RYR3: variants seen among roughly 807,000 people sequenced by gnomAD.
The protein encoded by RYR3 is ryanodine receptor 3.
Under a neutral mutation model 584.3 loss-of-function variants are expected in RYR3, and 207 were observed. The ratio of observed to expected loss-of-function variants is 0.35; its 90% CI spans 0.32 to 0.40. The LOEUF (loss-of-function observed/expected upper bound fraction) is 0.40. RYR3 is among the 10% of genes least tolerant of loss of function. The pLI is 1.00. For missense variants in RYR3, 5,616 were observed against 6,089.2 expected (o/e 0.92, Z 2.59); for synonymous variants, 2,416 against 2,248.5 (o/e 1.07, Z -2.11).
intron 51 of RYR3, among the ~76,000 whole-genome samples, chr15:33,741,177 A>C (rs2070055610): frequency 6.6e-6 from 1 of 152,206 alleles, no homozygotes; most frequent in African/African-American, 2.4e-5. Flanking sequence ...TAGTTCCTTG[A>C]GGAATGTGAG....
intron 3 of RYR3, among the ~76,000 whole-genome samples, chr15:33,530,067 T>C (rs913174419): frequency 1.3e-5 from 2 of 152,116 alleles, no homozygotes; most frequent in African/African-American, 4.8e-5. Context: ...TTTAAAGTCC[T>C]GGATTTCAGA....
At chr15:33,472,389 ACT>A (rs1392051690) in intron 1 of RYR3, among the ~76,000 whole-genome samples, 2 of 152,104 alleles carry the variant, frequency 1.3e-5, no homozygotes, top group African/African-American at 4.8e-5. Context: ...CCTTTCCAAC[ACT>A]CTGGTGACAC....
chr15:33,624,293 A>G (rs558458104), intron 20 of RYR3, among the ~76,000 whole-genome samples: 1 of 152,348 alleles, frequency 6.6e-6, no homozygotes, highest in African/African-American at 2.4e-5. Flanking sequence ...ATTCTCAACC[A>G]AGTTAAAGAT....
intron 1 of RYR3, among the ~76,000 whole-genome samples, chr15:33,461,656 A>C (rs980800345): frequency 6.6e-6 from 1 of 152,216 alleles, no homozygotes; most frequent in Non-Finnish European, 1.5e-5. Flanking sequence ...TAAGAGTTGC[A>C]ACATAAAGGG....
intron 74 of RYR3, among the ~76,000 whole-genome samples, chr15:33,816,133 T>C (rs116122870): frequency 1.1e-3 from 170 of 152,336 alleles, no homozygotes; most frequent in African/African-American, 4.0e-3. Context: ...TTGACTTTTA[T>C]CTTCCTCCCC....
intron 43 of RYR3, 56 bp downstream of exon 43, chr15:33,707,110 C>T: frequency 6.3e-7 from 1 of 1,585,986 alleles, no homozygotes; most frequent in East Asian, 2.3e-5. Flanking sequence ...ATCGTGGATA[C>T]CTACAAGGAA....
intron 8 of RYR3, among the ~76,000 whole-genome samples, 174 bp from the exon 9 acceptor site, chr15:33,547,956 T>TGA (rs376196694): frequency 6.6e-5 from 10 of 152,256 alleles, no homozygotes; most frequent in Non-Finnish European, 7.4e-5. Flanking sequence ...TGACCCTTTC[T>TGA]GAGAGAGAGA....
intron 1 of RYR3, among the ~76,000 whole-genome samples, chr15:33,456,565 G>C (rs1042991496): frequency 6.6e-6 from 1 of 152,084 alleles, no homozygotes; most frequent in Non-Finnish European, 1.5e-5. Flanking sequence ...AGTGGCTCCC[G>C]AGGTGCTTCA....
chr15:33,645,044 A>T (rs953391319), intron 28 of RYR3, among the ~76,000 whole-genome samples: 4 of 152,100 alleles, frequency 2.6e-5, no homozygotes, highest in African/African-American at 2.4e-5. Context: ...AAAAAAATTT[A>T]AAAGTTCCAT....
intron 3 of RYR3, among the ~76,000 whole-genome samples, chr15:33,505,305 C>T (rs973148671): frequency 7.2e-5 from 11 of 152,294 alleles, no homozygotes; most frequent in African/African-American, 2.4e-4. Flanking sequence ...TTTTTTCACT[C>T]TTTTGATTTA....
chr15:33,351,953 A>G (rs770553557), intron 1 of RYR3, among the ~76,000 whole-genome samples: 13 of 152,078 alleles, frequency 8.5e-5, no homozygotes, highest in African/African-American at 3.1e-4. Flanking sequence ...TCAATTAGGA[A>G]AAAGAAGTCA....
intron 1 of RYR3, among the ~76,000 whole-genome samples, chr15:33,354,862 C>T (rs950763195): frequency 1.3e-5 from 2 of 152,134 alleles, no homozygotes; most frequent in African/African-American, 4.8e-5. Context: ...CAGCATTCAT[C>T]ATGAATTATT....
intron 24 of RYR3, 115 bp downstream of exon 24, chr15:33,633,223 C>T: frequency 2.1e-6 from 2 of 956,928 alleles, no homozygotes; most frequent in Non-Finnish European, 3.1e-6. Context: ...GCACTCTATC[C>T]CTCACACCTC....
chr15:33,624,741 G>A (rs751466847), intron 20 of RYR3, among the ~76,000 whole-genome samples: 1 of 152,130 alleles, frequency 6.6e-6, no homozygotes, highest in South Asian at 2.1e-4. Context: ...ATTACAAGGG[G>A]CATGCAAGAG....
chr15:33,647,176 C>G (rs1456018593), intron 29 of RYR3, among the ~76,000 whole-genome samples: 2 of 152,200 alleles, frequency 1.3e-5, no homozygotes, highest in Non-Finnish European at 2.9e-5. Flanking sequence ...GGTCTTCCGT[C>G]CTCACTCTCA....
chr15:33,695,441 C>G (rs1049602724), intron 38 of RYR3, among the ~76,000 whole-genome samples: 11 of 152,144 alleles, frequency 7.2e-5, no homozygotes, highest in Non-Finnish European at 4.4e-5. Context: ...TTCCGTAAAA[C>G]CAGTATGAGC....
At chr15:33,350,095 T>C (rs1206941243) in intron 1 of RYR3, among the ~76,000 whole-genome samples, 1 of 152,132 alleles carries the variant, frequency 6.6e-6, no homozygotes, top group African/African-American at 2.4e-5. Context: ...TTTATAGTCC[T>C]TTGGGTATAT....
intron 1 of RYR3, among the ~76,000 whole-genome samples, chr15:33,387,461 G>A (rs967933312): frequency 6.6e-6 from 1 of 152,116 alleles, no homozygotes; most frequent in African/African-American, 2.4e-5. Context: ...GGGCACAGGG[G>A]TTCCAATTTC....
intron 3 of RYR3, among the ~76,000 whole-genome samples, chr15:33,514,285 G>A (rs2053304392): frequency 6.6e-6 from 1 of 152,192 alleles, no homozygotes; most frequent in Non-Finnish European, 1.5e-5. Context: ...TATTAAGGAT[G>A]TGCAGCTGGA....
Sources: allele counts gnomAD v4.1 joint callset (sites outside exome capture counted in the v4.1 genomes callset), GRCh38; gene constraint gnomAD v4.1.1; transcripts MANE v1.5; gene names NCBI Gene and HGNC (gene_info 2026-07-23, HGNC 2026-07-21).